CRTAC1: variants seen among roughly 807,000 people sequenced by gnomAD.
CRTAC1 encodes cartilage acidic protein 1.
Under a neutral mutation model 67.8 loss-of-function variants are expected in CRTAC1, and 37 were observed. That is an observed-to-expected ratio of 0.55 (90% CI 0.42 to 0.72). The LOEUF is 0.72. CRTAC1 is among the 30% of genes least tolerant of loss of function. The pLI is 0.00. For synonymous variants in CRTAC1, 348 were observed against 371.0 expected (o/e 0.94, Z 0.71); for missense variants, 780 against 931.6 (o/e 0.84, Z 2.12).
intron 14 of CRTAC1, chr10:97,869,528 T>A (rs968084680): frequency 9.2e-5 from 14 of 152,546 alleles, no homozygotes; most frequent in Admixed American, 9.2e-4. Flanking sequence ...CTGCACATGC[T>A]CCTCTCCCTG....
chr10:98,022,701 A>G, intron 1 of CRTAC1, among the ~76,000 whole-genome samples: 1 of 152,152 alleles, frequency 6.6e-6, no homozygotes, highest in East Asian at 1.9e-4. Flanking sequence ...AGAGCCTGCT[A>G]TGCCACGGTA....
chr10:97,997,546 C>A (rs1842607676), intron 2 of CRTAC1, among the ~76,000 whole-genome samples: 1 of 151,254 alleles, frequency 6.6e-6, no homozygotes, highest in African/African-American at 2.4e-5. Flanking sequence ...AAGCAAGCCA[C>A]CAGAAGTTAG....
intron 1 of CRTAC1, among the ~76,000 whole-genome samples, chr10:98,027,404 C>T (rs1270348183): frequency 6.6e-6 from 1 of 152,160 alleles, no homozygotes; most frequent in Admixed American, 6.5e-5. Context: ...TAGGCAAATA[C>T]TCTTTGGAAA....
At chr10:97,994,075 T>C (rs1842511888) in intron 2 of CRTAC1, among the ~76,000 whole-genome samples, 1 of 152,200 alleles carries the variant, frequency 6.6e-6, no homozygotes, top group Non-Finnish European at 1.5e-5. Context: ...CAGGCTGGTC[T>C]TGAAGTCCTA....
In CRTAC1 at chr10:98,009,098, G is replaced by C. The variant is rs145689111; in HGVS notation, c.224+2040C>G. ...CTGCAACCCTGCTCAGGTCACCCCA[G>C]GTAAAAAGCGTCATTACAATGATTC... On this transcript the variant is annotated intron_variant, in intron 2 of 14. Transcript: ENST00000370597. Among the ~76,000 whole-genome samples the C allele has an allele frequency of 7.9e-3, 1,198 of 152,202 alleles. 27 individuals are homozygous for C. Among genetic ancestry groups the C allele is most frequent in the African/African-American group, 0.028 (1,153 of 41,522 alleles).
chr10:97,880,144 C>T lies in CRTAC1; in HGVS notation c.1819+105G>A, dbSNP rs556570594. The T allele has an allele frequency of 6.0e-6, 8 of 1,342,022 alleles. No homozygotes were observed. The Admixed American group carries it at 1.5e-4, about 26-fold the overall frequency. 83.1% of individuals were successfully genotyped at this position (1,342,022 alleles called of 1,614,324 possible). A position where few individuals can be genotyped will look rare whatever the true frequency, so the allele number is the denominator to read the frequency against. On this transcript the variant is annotated intron_variant, in intron 14 of 14. Coordinates refer to ENST00000370597, the MANE Select transcript of CRTAC1 (RefSeq NM_018058.7). ...TGGGTCAAAGGAGACTCTATCCAGC[C>T]AGGAGAAGGAAGGGGCTGGGGACCT...
chr10:97,887,950 C>T (rs546089880), intron 11 of CRTAC1, among the ~76,000 whole-genome samples: 25 of 152,364 alleles, frequency 1.6e-4, no homozygotes, highest in African/African-American at 4.3e-4. Flanking sequence ...GCTAACGCAT[C>T]GAAACTTCAC....
At chr10:98,003,977 C>T (rs1842739434) in intron 2 of CRTAC1, among the ~76,000 whole-genome samples, 1 of 152,216 alleles carries the variant, frequency 6.6e-6, no homozygotes, top group Non-Finnish European at 1.5e-5. Context: ...GCAAACCTGC[C>T]AGGCACTGCT....
At chr10:98,027,139 C>T (rs1451173195) in intron 1 of CRTAC1, among the ~76,000 whole-genome samples, 6 of 151,126 alleles carry the variant, frequency 4.0e-5, no homozygotes, top group Admixed American at 3.9e-4. Flanking sequence ...TGCACTCCAG[C>T]CTGGGCGACA....
rs556738554 is a variant in CRTAC1, at chr10:97,900,358, C to T, written c.1133+1145G>A. On this transcript the variant is annotated intron_variant, in intron 8 of 14. Transcript: ENST00000370597. ...ATCTGGCCTATTTGGAATACTCCAT[C>T]CATCTTTTGGAAAATTAAAATATTT... Among the ~76,000 whole-genome samples the T allele has an allele frequency of 1.2e-4, 18 of 152,364 alleles. No homozygotes were observed. The South Asian group carries it at 3.5e-3, about 30-fold the overall frequency.
intron 7 of CRTAC1, among the ~76,000 whole-genome samples, chr10:97,904,405 TTTTTATTTTA>T (rs911606878): frequency 1.3e-5 from 2 of 152,036 alleles, no homozygotes; most frequent in Admixed American, 1.3e-4. Context: ...AGGCCCTTTC[TTTTTATTTTA>T]TTTTATTTAT....
intron 14 of CRTAC1, among the ~76,000 whole-genome samples, chr10:97,874,488 T>C (rs1226245356): frequency 6.6e-6 from 1 of 152,194 alleles, no homozygotes; most frequent in African/African-American, 2.4e-5. Context: ...TTGCCATCTT[T>C]TTCTGGTGAA....
At chr10:98,019,101 G>C (rs538503223) in intron 1 of CRTAC1, among the ~76,000 whole-genome samples, 1 of 152,232 alleles carries the variant, frequency 6.6e-6, no homozygotes, top group East Asian at 1.9e-4. Context: ...CTTCCTAGAG[G>C]GAGGGGTTGT....
At chr10:97,998,413 C>T (rs185903597) in intron 2 of CRTAC1, among the ~76,000 whole-genome samples, 159 of 151,720 alleles carry the variant, frequency 1.0e-3, no homozygotes, top group Middle Eastern at 3.4e-3. Flanking sequence ...CCAAACTGAA[C>T]GATGAAAGAG....
intron 1 of CRTAC1, among the ~76,000 whole-genome samples, chr10:98,027,666 T>C (rs184270659): frequency 6.6e-6 from 1 of 152,250 alleles, no homozygotes; most frequent in African/African-American, 2.4e-5. Context: ...GGAATTTCTA[T>C]GACCTGTGTA....
At chr10:98,006,405 C>T (rs1420314405) in intron 2 of CRTAC1, among the ~76,000 whole-genome samples, 3 of 152,160 alleles carry the variant, frequency 2.0e-5, no homozygotes, top group Non-Finnish European at 4.4e-5. Flanking sequence ...CCTCCATATG[C>T]GGAGGCACTC....
chr10:97,971,609 G>A (rs898859068), intron 2 of CRTAC1, among the ~76,000 whole-genome samples: 4 of 152,226 alleles, frequency 2.6e-5, no homozygotes, highest in Non-Finnish European at 2.9e-5. Flanking sequence ...CAACGTGGAT[G>A]CACATAATGC....
chr10:97,903,830 G>C (rs1361716272), intron 7 of CRTAC1, among the ~76,000 whole-genome samples: 1 of 152,022 alleles, frequency 6.6e-6, no homozygotes, highest in African/African-American at 2.4e-5. Flanking sequence ...CTTGGCATCG[G>C]TCTATCAACA....
intron 2 of CRTAC1, among the ~76,000 whole-genome samples, chr10:98,008,179 C>T (rs571700926): frequency 1.1e-4 from 17 of 152,210 alleles, no homozygotes; most frequent in Admixed American, 6.5e-5. Context: ...GGGCCAAGAC[C>T]TTCTCTGCTA....
Sources: allele counts gnomAD v4.1 joint callset (sites outside exome capture counted in the v4.1 genomes callset), GRCh38; gene constraint gnomAD v4.1.1; transcripts MANE v1.5; gene names NCBI Gene and HGNC (gene_info 2026-07-23, HGNC 2026-07-21).